Variants in HCN1 observed in about 807,000 individuals in gnomAD.
HCN1 encodes hyperpolarization activated cyclic nucleotide gated potassium channel 1.
In HCN1, 13 loss-of-function variants were observed where a neutral mutation model predicts 78.9. The ratio of observed to expected loss-of-function variants is 0.16; its 90% CI spans 0.11 to 0.26. The LOEUF is 0.26. Among genes scored for constraint, HCN1 ranks in the 10% least tolerant of loss-of-function variants. HCN1 has a pLI of 1.00. For synonymous variants in HCN1, 552 were observed against 455.5 expected (o/e 1.21, Z -2.70); for missense variants, 810 against 1,154.3 (o/e 0.70, Z 4.32).
intron 2 of HCN1, among the ~76,000 whole-genome samples, chr5:45,589,482 G>A (rs1579987000): frequency 6.6e-6 from 1 of 152,304 alleles, no homozygotes; most frequent in East Asian, 1.9e-4. Flanking sequence ...CCCATGTGTG[G>A]AGAATTGACT....
intron 2 of HCN1, among the ~76,000 whole-genome samples, chr5:45,601,087 A>G (rs76820080): frequency 1.3e-5 from 2 of 152,160 alleles, no homozygotes; most frequent in South Asian, 4.1e-4. Context: ...AACTATCAGA[A>G]AAAGCTGAAA....
intron 6 of HCN1, among the ~76,000 whole-genome samples, chr5:45,274,189 A>G (rs1745009681): frequency 1.3e-5 from 2 of 152,266 alleles, no homozygotes; most frequent in South Asian, 4.1e-4. Flanking sequence ...TCATTTTACT[A>G]AGGGTATAAC....
intron 6 of HCN1, among the ~76,000 whole-genome samples, chr5:45,292,509 A>G (rs1745400793): frequency 6.6e-6 from 1 of 151,984 alleles, no homozygotes; most frequent in Non-Finnish European, 1.5e-5. Context: ...CTGATCCCTA[A>G]TAAAGTGAGA....
chr5:45,330,248 A>G (rs749580582), intron 5 of HCN1, among the ~76,000 whole-genome samples: 1 of 151,314 alleles, frequency 6.6e-6, no homozygotes, highest in Middle Eastern at 3.2e-3. Flanking sequence ...TTTGGCATAC[A>G]TAAATATTTG....
At chr5:45,365,191 T>A (rs1007725019) in intron 4 of HCN1, among the ~76,000 whole-genome samples, 2 of 152,032 alleles carry the variant, frequency 1.3e-5, no homozygotes, top group African/African-American at 2.4e-5. Flanking sequence ...CATATTTTTA[T>A]TTTTATTTTT....
At chr5:45,538,600 T>G (rs1412745958) in intron 2 of HCN1, among the ~76,000 whole-genome samples, 1 of 152,180 alleles carries the variant, frequency 6.6e-6, no homozygotes, top group East Asian at 1.9e-4. Flanking sequence ...ATAAAAAGGC[T>G]TGGTCTGAGT....
intron 5 of HCN1, among the ~76,000 whole-genome samples, chr5:45,327,688 G>C (rs980216406): frequency 4.0e-5 from 6 of 151,522 alleles, no homozygotes; most frequent in African/African-American, 1.2e-4. Flanking sequence ...TATTTGAAGA[G>C]GTAATTAAGT....
intron 5 of HCN1, among the ~76,000 whole-genome samples, chr5:45,311,648 A>G (rs1745853597): frequency 6.6e-6 from 1 of 152,214 alleles, no homozygotes; most frequent in South Asian, 2.1e-4. Context: ...TATGTTGCCC[A>G]TAAAAGGAAC....
chr5:45,284,261 T>G (rs1222252298), intron 6 of HCN1, among the ~76,000 whole-genome samples: 3 of 152,068 alleles, frequency 2.0e-5, no homozygotes, highest in Admixed American at 1.3e-4. Flanking sequence ...GTAACAAACC[T>G]GCACAGGTGC....
chr5:45,334,013 C>G (rs1044425678), intron 5 of HCN1, among the ~76,000 whole-genome samples: 1 of 151,736 alleles, frequency 6.6e-6, no homozygotes, highest in Non-Finnish European at 1.5e-5. Context: ...AGTTCGGTTT[C>G]CAATTATCTT....
intron 4 of HCN1, among the ~76,000 whole-genome samples, chr5:45,372,167 A>T (rs1579847791): frequency 2.5e-5 from 1 of 40,654 alleles, no homozygotes; most frequent in South Asian, 7.6e-4. Context: ...GTTATTATAT[A>T]TAATTATATT....
At chr5:45,394,032 C>T (rs1222115526) in intron 4 of HCN1, among the ~76,000 whole-genome samples, 3 of 152,078 alleles carry the variant, frequency 2.0e-5, no homozygotes, top group African/African-American at 7.2e-5. Context: ...CCTTTACAAC[C>T]TCTTTTGGGA....
At chr5:45,556,628 A>G (rs946639959) in intron 2 of HCN1, among the ~76,000 whole-genome samples, 3 of 151,872 alleles carry the variant, frequency 2.0e-5, no homozygotes, top group African/African-American at 7.2e-5. Context: ...AGCTCAGAAG[A>G]TGCAAAGATG....
intron 6 of HCN1, among the ~76,000 whole-genome samples, chr5:45,294,589 A>G (rs567418278): frequency 3.3e-5 from 5 of 152,194 alleles, no homozygotes; most frequent in South Asian, 2.1e-4. Context: ...CAAATAAATT[A>G]TATTAGAAAA....
chr5:45,477,926 C>T (rs543583379), intron 2 of HCN1, among the ~76,000 whole-genome samples: 46 of 151,942 alleles, frequency 3.0e-4, no homozygotes, highest in South Asian at 1.7e-3. Flanking sequence ...CTGTTGAGAA[C>T]GCAGAAAAAA....
At chr5:45,394,692 T>C (rs1739650283) in intron 4 of HCN1, among the ~76,000 whole-genome samples, 1 of 152,192 alleles carries the variant, frequency 6.6e-6, no homozygotes, top group African/African-American at 2.4e-5. Context: ...GGCAGGTGCC[T>C]GGAATCCCAA....
At chr5:45,636,856 T>C (rs1042485366) in intron 2 of HCN1, among the ~76,000 whole-genome samples, 2 of 152,056 alleles carry the variant, frequency 1.3e-5, no homozygotes, top group Non-Finnish European at 2.9e-5. Context: ...AAAAGAGTAA[T>C]GCATAATAGT....
intron 2 of HCN1, among the ~76,000 whole-genome samples, chr5:45,509,499 G>GTT (rs1372489874): frequency 2.0e-5 from 3 of 152,128 alleles, no homozygotes; most frequent in African/African-American, 7.2e-5. Context: ...ACTCATGAAA[G>GTT]TTCAGATTCT....
At chr5:45,544,625 AGT>A (rs1561195392) in intron 2 of HCN1, among the ~76,000 whole-genome samples, 1 of 58,138 alleles carries the variant, frequency 1.7e-5, no homozygotes. Flanking sequence ...AACAGGCCCC[AGT>A]GTGTGATATT....
Sources: allele counts gnomAD v4.1 joint callset (sites outside exome capture counted in the v4.1 genomes callset), GRCh38; gene constraint gnomAD v4.1.1; transcripts MANE v1.5; gene names NCBI Gene and HGNC (gene_info 2026-07-23, HGNC 2026-07-21).